Variants in PTGES3 observed in about 807,000 individuals in gnomAD.
PTGES3 encodes the protein Hsp90 co-chaperone.
A neutral mutation model predicts 29.9 loss-of-function variants in PTGES3; 5 were observed. The observed-to-expected ratio is 0.17, with a 90% confidence interval of 0.09 to 0.35. PTGES3 has a LOEUF of 0.35. Among genes scored for constraint, PTGES3 ranks in the 10% least tolerant of loss-of-function variants. The probability of loss-of-function intolerance (pLI) is 1.00; values close to 1 mark genes in which losing one functional copy is unlikely to be tolerated. For missense variants in PTGES3, 128 were observed against 190.0 expected, an observed-to-expected ratio of 0.67 and a Z score of 1.92; for synonymous variants, 49 against 57.8, an observed-to-expected ratio of 0.85 and a Z score of 0.69.
chr12:56,687,177 C>T, intron 1 of PTGES3: 1 of 1,035,830 alleles, frequency 9.7e-7, no homozygotes, highest in Non-Finnish European at 1.2e-6. Context: ...ATCTTTGGGA[C>T]GACTGTAGGT....
chr12:56,684,896 A>G (rs186295860), intron 1 of PTGES3, among the ~76,000 whole-genome samples: 50 of 152,256 alleles, frequency 3.3e-4, no homozygotes, highest in African/African-American at 1.2e-3. Context: ...GAGTAAATCA[A>G]ATGAGAAAAC....
Position 56,688,117 on chromosome 12 carries a change from C to A in PTGES3, c.-118G>T. 7.0e-7 allele frequency: 1 copy of A among 1,420,086 alleles called. No homozygotes were observed. The highest frequency in any genetic ancestry group is 9.2e-7 in the Non-Finnish European group (1 of 1,089,002). The allele number at this position is 1,420,086 out of a possible 1,614,324, so 88.0% of individuals were successfully genotyped here. A position where few individuals can be genotyped will look rare whatever the true frequency, so the allele number is the denominator to read the frequency against. ...CGCTTTTTCTCTCCGGTCGCGGCCT[C>A]TTCTCGCTTCCCTCAGGCGACGGCG... On this transcript the variant is annotated 5_prime_UTR_variant, in exon 1 of 8. Transcript: ENST00000262033.
chr12:56,680,744 G>A (rs1271245652), intron 1 of PTGES3, among the ~76,000 whole-genome samples: 1 of 151,446 alleles, frequency 6.6e-6, no homozygotes, highest in Non-Finnish European at 1.5e-5. Context: ...TAAGTGTAGG[G>A]CACCCTCCAC....
intron 1 of PTGES3, among the ~76,000 whole-genome samples, chr12:56,686,444 G>C (rs987659619): frequency 1.3e-5 from 2 of 151,988 alleles, no homozygotes; most frequent in African/African-American, 4.8e-5. Flanking sequence ...CATGATCTCG[G>C]CTCACCGCAA....
Position 56,663,950 on chromosome 12 carries a change from T to C in PTGES3, c.*529A>G, listed in dbSNP as rs1951699874. The C allele has an allele frequency of 6.5e-6, 1 of 153,298 alleles. No individual in the cohort carries two copies. Among genetic ancestry groups the C allele is most frequent in the Admixed American group, 6.5e-5 (1 of 15,280 alleles). The allele number at this position is 153,298 out of a possible 1,614,324, so 9.5% of individuals were successfully genotyped here. A position where few individuals can be genotyped will look rare whatever the true frequency, so the allele number is the denominator to read the frequency against. Reference sequence around the variant, plus strand: ...ATACACCTGGAACACTGACAAGTCATCACTTACATAGAATAATGTGAAGTA... The same window carrying C: ...ATACACCTGGAACACTGACAAGTCACCACTTACATAGAATAATGTGAAGTA... On this transcript the variant is annotated 3_prime_UTR_variant, in exon 8 of 8. Coordinates refer to ENST00000262033, the MANE Select transcript of PTGES3 (RefSeq NM_006601.7).
intron 1 of PTGES3, among the ~76,000 whole-genome samples, chr12:56,681,081 G>C (rs909450933): frequency 6.6e-6 from 1 of 152,020 alleles, no homozygotes; most frequent in East Asian, 1.9e-4. Context: ...CCCCCCATTT[G>C]TAGTTGTGTT....
At chr12:56,667,179 C>CA (rs1951822954) in intron 5 of PTGES3, among the ~76,000 whole-genome samples, 1 of 152,160 alleles carries the variant, frequency 6.6e-6, no homozygotes, top group Admixed American at 6.6e-5. Context: ...CTCGGCCTCC[C>CA]AAAGTGCTGG....
intron 1 of PTGES3, among the ~76,000 whole-genome samples, chr12:56,679,028 G>A (rs1952399796): frequency 1.3e-5 from 2 of 152,134 alleles, no homozygotes; most frequent in African/African-American, 2.4e-5. Context: ...TGAGGTGGGA[G>A]AATTGCTTGA....
intron 4 of PTGES3, among the ~76,000 whole-genome samples, chr12:56,670,960 T>G (rs1951978624): frequency 6.6e-6 from 1 of 152,044 alleles, no homozygotes; most frequent in Admixed American, 6.6e-5. Context: ...AAAAAACAAA[T>G]TTCCTGGGCG....
At chr12:56,678,077 TAAG>T (rs1196057349) in intron 1 of PTGES3, among the ~76,000 whole-genome samples, 3 of 139,328 alleles carry the variant, frequency 2.2e-5, no homozygotes, top group Non-Finnish European at 4.6e-5. Context: ...GTTTGATACC[TAAG>T]AAGGAAAAAC....
intron 1 of PTGES3, among the ~76,000 whole-genome samples, chr12:56,676,916 G>A (rs1317347407): frequency 2.0e-4 from 7 of 35,548 alleles, no homozygotes; most frequent in Non-Finnish European, 3.2e-4. Flanking sequence ...GTGAGATTCC[G>A]ACTCAAAAAA....
chr12:56,686,466 C>T (rs554011199), intron 1 of PTGES3, among the ~76,000 whole-genome samples: 2 of 152,216 alleles, frequency 1.3e-5, no homozygotes, highest in South Asian at 2.1e-4. Context: ...CTCCACCTCC[C>T]AGATTCAAGC....
intron 1 of PTGES3, chr12:56,687,005 CAAAAAAAA>C (rs11297744): frequency 5.0e-4 from 43 of 86,564 alleles, no homozygotes; most frequent in Middle Eastern, 0.012. Flanking sequence ...AACCTCCCGT[CAAAAAAAA>C]AAAAAAAAAA....
At chr12:56,673,512 A>AAAAAAG (rs1952090149) in intron 1 of PTGES3, among the ~76,000 whole-genome samples, 1 of 145,374 alleles carries the variant, frequency 6.9e-6, no homozygotes, top group Non-Finnish European at 1.5e-5. Context: ...AAAAAAAAAA[A>AAAAAAG]GCAGGGTACG....
At chr12:56,683,698 GCCTGTAATC>G (rs1444727926) in intron 1 of PTGES3, among the ~76,000 whole-genome samples, 1 of 149,798 alleles carries the variant, frequency 6.7e-6, no homozygotes, top group African/African-American at 2.5e-5. Flanking sequence ...GGTGGCTCAC[GCCTGTAATC>G]CCAGCACTTT....
chr12:56,675,573 C>T (rs1160865231), intron 1 of PTGES3, among the ~76,000 whole-genome samples: 1 of 148,894 alleles, frequency 6.7e-6, no homozygotes, highest in Non-Finnish European at 1.5e-5. Flanking sequence ...TTGTGGCCTG[C>T]AAAGCTGAAT....
intron 1 of PTGES3, among the ~76,000 whole-genome samples, chr12:56,684,738 C>G (rs1045392931): frequency 6.6e-6 from 1 of 152,124 alleles, no homozygotes; most frequent in South Asian, 2.1e-4. Flanking sequence ...GTTAGTTAAG[C>G]GGAAAATCTT....
chr12:56,679,100 T>A (rs1027117922), intron 1 of PTGES3, among the ~76,000 whole-genome samples: 1 of 150,132 alleles, frequency 6.7e-6, no homozygotes, highest in African/African-American at 2.5e-5. Context: ...CTGGGCCACA[T>A]AGCAAGACCC....
At chr12:56,683,957 C>CAAAAAAAAAAAAAAAAAAAAAAAAAA (rs11386164) in intron 1 of PTGES3, among the ~76,000 whole-genome samples, 1 of 109,326 alleles carries the variant, frequency 9.1e-6, no homozygotes. Context: ...AACTCCGTCT[C>CAAAAAAAAAAAAAAAAAAAAAAAAAA]AAAAAAAAAA....
Sources: allele counts gnomAD v4.1 joint callset (sites outside exome capture counted in the v4.1 genomes callset), GRCh38; gene constraint gnomAD v4.1.1; transcripts MANE v1.5; gene names NCBI Gene and HGNC (gene_info 2026-07-23, HGNC 2026-07-21).